The following DMD variants were observed in gnomAD, a reference collection of about 807,000 sequenced individuals.
DMD encodes dystrophin.
In DMD, 63 loss-of-function variants were observed where a neutral mutation model predicts 330.1. The ratio of observed to expected loss-of-function variants is 0.19; its 90% CI spans 0.16 to 0.24. DMD has a LOEUF of 0.24. DMD is among the 10% of genes least tolerant of loss of function. The pLI is 1.00. For synonymous variants in DMD, 1,223 were observed against 959.8 expected (o/e 1.27, Z -5.07); for missense variants, 3,344 against 2,684.1 (o/e 1.25, Z -5.43).
chrX:31,176,544 T>C (rs1034214014), intron 71 of DMD, among the ~76,000 whole-genome samples: 1 of 111,713 alleles, frequency 9.0e-6, no homozygotes, highest in Admixed American at 9.6e-5. Flanking sequence ...TTTGGATTTC[T>C]TACTCGGTTA....
chrX:31,528,616 A>G (rs1164021439), intron 55 of DMD, among the ~76,000 whole-genome samples: 1 of 112,225 alleles, frequency 8.9e-6, no homozygotes, highest in Non-Finnish European at 1.9e-5. Context: ...ATCGAGCTTA[A>G]TTTTTTAAAT....
intron 55 of DMD, among the ~76,000 whole-genome samples, chrX:31,576,559 T>G (rs186720951): frequency 9.0e-6 from 1 of 110,964 alleles, no homozygotes; most frequent in East Asian, 2.8e-4. Flanking sequence ...TCTGCTTCTT[T>G]GCTCCCAAGT....
intron 29 of DMD, among the ~76,000 whole-genome samples, chrX:32,430,938 C>G (rs1328705612): frequency 9.0e-6 from 1 of 111,584 alleles, no homozygotes; most frequent in African/African-American, 3.3e-5. Flanking sequence ...GTATATATCA[C>G]ATTTTCTTTT....
chrX:31,166,227 T>C (rs1438059780), intron 74 of DMD, among the ~76,000 whole-genome samples: 1 of 111,665 alleles, frequency 9.0e-6, no homozygotes, highest in Non-Finnish European at 1.9e-5. Context: ...AGAAATGGAA[T>C]TCTAAAGGCA....
intron 43 of DMD, among the ~76,000 whole-genome samples, chrX:32,225,613 A>T (rs1172918913): frequency 9.0e-6 from 1 of 111,148 alleles, no homozygotes; most frequent in African/African-American, 3.3e-5. Context: ...AGGTGACTGG[A>T]TCATCAGGGT....
At chrX:32,649,527 G>A (rs1198913557) in intron 9 of DMD, among the ~76,000 whole-genome samples, 3 of 96,588 alleles carry the variant, frequency 3.1e-5, no homozygotes, top group Non-Finnish European at 6.0e-5. Context: ...CTGCACTCCG[G>A]CCTGGGCAAA....
chrX:32,311,617 C>A (rs976357596), intron 41 of DMD, among the ~76,000 whole-genome samples: 4 of 111,538 alleles, frequency 3.6e-5, no homozygotes, highest in Non-Finnish European at 1.9e-5. Context: ...AAATCCATGG[C>A]ACACATTCCT....
intron 44 of DMD, among the ~76,000 whole-genome samples, chrX:31,974,276 G>A (rs1023801181): frequency 1.8e-5 from 2 of 110,371 alleles, no homozygotes; most frequent in African/African-American, 3.3e-5. Context: ...TGGGAAGGAG[G>A]GAGGGTGCGC....
At chrX:32,647,951 A>G (rs1432500631) in intron 9 of DMD, among the ~76,000 whole-genome samples, 1 of 112,092 alleles carries the variant, frequency 8.9e-6, no homozygotes, top group African/African-American at 3.2e-5. Flanking sequence ...CCTAGCTCGT[A>G]TTTAAGAGTT....
At chrX:31,143,513 C>A (rs928816053) in intron 76 of DMD, among the ~76,000 whole-genome samples, 1 of 111,899 alleles carries the variant, frequency 8.9e-6, no homozygotes, top group African/African-American at 3.3e-5. Context: ...CAGATTAATA[C>A]ACAGTTCAAG....
intron 30 of DMD, among the ~76,000 whole-genome samples, chrX:32,390,646 G>C (rs1271294755): frequency 1.8e-5 from 2 of 111,342 alleles, no homozygotes; most frequent in East Asian, 2.8e-4. Flanking sequence ...TGAGAAAATT[G>C]CATGTGGAAA....
intron 51 of DMD, among the ~76,000 whole-genome samples, chrX:31,747,997 C>A (rs2088002193): frequency 8.9e-6 from 1 of 111,799 alleles, no homozygotes; most frequent in African/African-American, 3.3e-5. Context: ...TTTGTTGCCT[C>A]AGAGACTTTA....
intron 67 of DMD, among the ~76,000 whole-genome samples, chrX:31,193,255 T>G (rs753321064): frequency 8.9e-6 from 1 of 112,828 alleles, no homozygotes; most frequent in Non-Finnish European, 1.9e-5. Context: ...AATATGGAAA[T>G]GTATTTATTA....
intron 43 of DMD, among the ~76,000 whole-genome samples, chrX:32,252,765 T>TATATAAATATATAA (rs1557243501): frequency 2.6e-5 from 1 of 38,845 alleles, no homozygotes; most frequent in African/African-American, 1.9e-4. Context: ...AATATATAAA[T>TATATAAATATATAA]ATATATAAAT....
chrX:32,699,829 C>T (rs889732865), intron 7 of DMD, among the ~76,000 whole-genome samples: 1 of 111,558 alleles, frequency 9.0e-6, no homozygotes, highest in Non-Finnish European at 1.9e-5. Flanking sequence ...ATAAATTAAA[C>T]AGAAAAATAC....
chrX:32,446,124 A>C (rs748799169), intron 27 of DMD, among the ~76,000 whole-genome samples: 25 of 110,943 alleles, frequency 2.3e-4, no homozygotes, highest in African/African-American at 7.8e-4. Context: ...GAATGAAGAG[A>C]TTGGGAAAAA....
intron 18 of DMD, among the ~76,000 whole-genome samples, chrX:32,514,235 G>GAAAAAAAAAAAA (rs35838995): frequency 1.3e-5 from 1 of 77,281 alleles, no homozygotes; most frequent in Non-Finnish European, 2.5e-5. Flanking sequence ...AAGGCAGGTG[G>GAAAAAAAAAAAA]AAAAAAAAAA....
At chrX:32,379,234 C>G (rs1206327424) in intron 34 of DMD, among the ~76,000 whole-genome samples, 1 of 107,383 alleles carries the variant, frequency 9.3e-6, no homozygotes, top group Non-Finnish European at 1.9e-5. Context: ...CTAGATCTCA[C>G]AGTAGCTTTG....
chrX:32,601,371 C>T (rs928370844), intron 12 of DMD, among the ~76,000 whole-genome samples: 4 of 111,530 alleles, frequency 3.6e-5, no homozygotes, highest in Admixed American at 2.9e-4. Context: ...TCAGAACACA[C>T]TGATTTTATC....
Sources: allele counts gnomAD v4.1 joint callset (sites outside exome capture counted in the v4.1 genomes callset), GRCh38; gene constraint gnomAD v4.1.1; transcripts MANE v1.5; gene names NCBI Gene and HGNC (gene_info 2026-07-23, HGNC 2026-07-21).